Variants in LOC400499 observed in about 807,000 individuals in gnomAD.
the LOC400499 span, among the ~76,000 whole-genome samples, chr16:11,496,888 A>ATGTG: frequency 6.6e-3 from 955 of 144,364 alleles, 8 homozygotes; most frequent in South Asian, 0.026. Flanking sequence ...GTATGCCTCA[A>ATGTG]TGTGTGTGTG....
chr16:11,465,612 G>A, the LOC400499 span: 1 of 146,892 alleles, frequency 6.8e-6, no homozygotes, highest in Non-Finnish European at 1.5e-5. Flanking sequence ...ACAAAAAAAA[G>A]AAAAAAAGAA....
chr16:11,412,790 C>A, the LOC400499 span: 3 of 398,576 alleles, frequency 7.5e-6, no homozygotes, highest in African/African-American at 4.1e-5. Flanking sequence ...CAGCAGGTAC[C>A]CAGTCAATGG....
chr16:11,425,704 G>A, the LOC400499 span, among the ~76,000 whole-genome samples: 6 of 152,110 alleles, frequency 3.9e-5, no homozygotes, highest in Admixed American at 1.3e-4. Context: ...TTATATAGCT[G>A]TATACGTTTT....
At chr16:11,448,855 A>T in the LOC400499 span, 1 of 1,292,686 alleles carries the variant, frequency 7.7e-7, no homozygotes, top group Non-Finnish European at 1.0e-6. Context: ...GCAGGGAGAG[A>T]GGTAGGAAAC....
At chr16:11,392,284 C>A in the LOC400499 span, 5 of 398,672 alleles carry the variant, frequency 1.3e-5, no homozygotes, top group Non-Finnish European at 1.8e-5. Flanking sequence ...GAACGGTAAC[C>A]CCTTCCCTGT....
At chr16:11,477,772 G>C in the LOC400499 span, 1 of 398,350 alleles carries the variant, frequency 2.5e-6, no homozygotes, top group Non-Finnish European at 4.4e-6. Context: ...CCCTCTGTAG[G>C]GATGGGATCC....
At chr16:11,506,302 G>T in the LOC400499 span, among the ~76,000 whole-genome samples, 1 of 152,194 alleles carries the variant, frequency 6.6e-6, no homozygotes, top group African/African-American at 2.4e-5. Flanking sequence ...TGGGATTATA[G>T]GCATGAGCCA....
the LOC400499 span, among the ~76,000 whole-genome samples, chr16:11,452,193 GT>G: frequency 4.3e-5 from 5 of 116,190 alleles, no homozygotes; most frequent in Non-Finnish European, 9.2e-5. Context: ...TGGTTGCTCA[GT>G]TTTTTTGTTT....
the LOC400499 span, chr16:11,431,259 A>T: frequency 7.5e-6 from 3 of 399,008 alleles, no homozygotes; most frequent in Admixed American, 4.4e-5. Flanking sequence ...GGTTAAGATC[A>T]TGGGCTTTGT....
chr16:11,387,359 G>C, the LOC400499 span: 2 of 1,200,936 alleles, frequency 1.7e-6, no homozygotes, highest in Non-Finnish European at 2.1e-6. Flanking sequence ...TGGCTGCAGA[G>C]GGGAGCTTCT....
chr16:11,392,894 C>G, the LOC400499 span: 4 of 759,726 alleles, frequency 5.3e-6, no homozygotes, highest in Non-Finnish European at 6.4e-6. Flanking sequence ...CGCTCTGTCG[C>G]CTAGGCTGGT....
the LOC400499 span, among the ~76,000 whole-genome samples, chr16:11,397,975 C>T: frequency 6.6e-6 from 1 of 152,074 alleles, no homozygotes; most frequent in Non-Finnish European, 1.5e-5. Context: ...AATCAACCAG[C>T]TACCAACCCC....
At chr16:11,464,588 A>G in the LOC400499 span, among the ~76,000 whole-genome samples, 2 of 152,138 alleles carry the variant, frequency 1.3e-5, no homozygotes, top group East Asian at 1.9e-4. Flanking sequence ...AGTTGAACAT[A>G]AGCTCTGGGA....
At chr16:11,395,304 C>T in the LOC400499 span, among the ~76,000 whole-genome samples, 1 of 152,186 alleles carries the variant, frequency 6.6e-6, no homozygotes, top group Non-Finnish European at 1.5e-5. Flanking sequence ...GCCTTCTGAC[C>T]ACTCCACAGA....
chr16:11,461,564 G>A, the LOC400499 span, among the ~76,000 whole-genome samples: 1 of 152,174 alleles, frequency 6.6e-6, no homozygotes, highest in Non-Finnish European at 1.5e-5. Context: ...GGACAGAAGA[G>A]AAAAGAAAGA....
chr16:11,422,306 G>A, the LOC400499 span, among the ~76,000 whole-genome samples: 1 of 152,162 alleles, frequency 6.6e-6, no homozygotes, highest in African/African-American at 2.4e-5. Flanking sequence ...GTGGGCTGAG[G>A]CAGGAGACAC....
chr16:11,526,851 G>T, the LOC400499 span, among the ~76,000 whole-genome samples: 1 of 152,106 alleles, frequency 6.6e-6, no homozygotes, highest in Non-Finnish European at 1.5e-5. Context: ...CTCACTCAGG[G>T]CTTCAGATCT....
chr16:11,387,039 G>A, the LOC400499 span: 12 of 1,165,202 alleles, frequency 1.0e-5, no homozygotes, highest in Non-Finnish European at 1.2e-5. Flanking sequence ...ACTAGCCTAT[G>A]GAGGCTTCCC....
At chr16:11,425,365 C>T in the LOC400499 span, 1 of 399,306 alleles carries the variant, frequency 2.5e-6, no homozygotes. Flanking sequence ...GTGCCGTTCC[C>T]TGCCTTCTCA....
Sources: gnomAD v4.1 joint callset for allele counts (sites outside exome capture counted in the v4.1 genomes callset) on GRCh38, gnomAD v4.1.1 for gene constraint, MANE v1.5 for transcripts.